Variants in GAS7 observed in about 807,000 individuals in gnomAD.
The protein encoded by GAS7 is growth arrest specific 7.
A neutral mutation model predicts 71.1 loss-of-function variants in GAS7; 28 were observed. The observed-to-expected ratio is 0.39, with a 90% CI of 0.29 to 0.54. The LOEUF (loss-of-function observed/expected upper bound fraction) is 0.54. GAS7 is among the 20% of genes least tolerant of loss of function. The pLI, the probability that GAS7 is intolerant of heterozygous loss-of-function variation, is 0.62. For missense variants in GAS7, 436 were observed against 627.8 expected (o/e 0.69, Z 3.27); for synonymous variants, 258 against 245.8 (o/e 1.05, Z -0.46).
In GAS7 at chr17:9,926,311, G is replaced by A. The variant is rs1164022039; in HGVS notation, c.1014+330C>T. Among the ~76,000 whole-genome samples the A allele has an allele frequency of 6.6e-6, 1 of 152,130 alleles. No homozygotes were observed. Among genetic ancestry groups the A allele is most frequent in the South Asian group, 2.1e-4 (1 of 4,828 alleles). On this transcript the variant is annotated intron_variant, in intron 10 of 13. Coordinates refer to ENST00000432992, the MANE Select transcript of GAS7 (RefSeq NM_201433.2). This position sits in a 1 kb window ranked among gnomAD's most constrained non-coding sequence, Gnocchi z 5.0. ...ACTCAGCCAGGTGAGGCTTAAACACGGGGCCCCACGTGAACCAGCAGCAGC... is the reference window on the plus strand; with the variant it reads ...ACTCAGCCAGGTGAGGCTTAAACACAGGGCCCCACGTGAACCAGCAGCAGC...
Position 9,969,668 on chromosome 17 carries a change from AC to A in GAS7, c.471+8del, listed in dbSNP as rs754259749. On this transcript the variant is annotated splice_region_variant and intron_variant, in intron 4 of 13. Coordinates refer to ENST00000432992, the MANE Select transcript of GAS7 (RefSeq NM_201433.2). This position sits in a 1 kb window ranked among gnomAD's most constrained non-coding sequence, Gnocchi z 5.5. ...TGACCGCTATACCTCCCTCAACAGGACCCCTTACCTGGGAATCACCGGTGGA... is the reference window on the plus strand; with the variant it reads ...TGACCGCTATACCTCCCTCAACAGGACCCTTACCTGGGAATCACCGGTGGA... The A allele has an allele frequency of 7.1e-6, 11 of 1,556,748 alleles. No homozygotes were observed. The African/African-American group carries it at 1.4e-4, about 19-fold the overall frequency.
rs773775506 is a variant in GAS7 at position 9,926,611 on chromosome 17, T to A, written c.1014+30A>T. The A allele has an allele frequency of 1.2e-6, 2 of 1,610,274 alleles. No homozygotes were observed. Among genetic ancestry groups the A allele is most frequent in the East Asian group, 2.2e-5 (1 of 44,872 alleles). ...TCTTCCAGGCAGTCCCCCATGCACC[T>A]GCCCTGGCCCAGCGTCCTGGGCCTC... On this transcript the variant is annotated intron_variant, in intron 10 of 13. Coordinates refer to ENST00000432992, the MANE Select transcript of GAS7 (RefSeq NM_201433.2). The surrounding 1 kb of genome is among the most constrained non-coding windows in gnomAD (Gnocchi z 5.0).
At chr17:9,930,548 T>A (rs1005122239) in intron 9 of GAS7, among the ~76,000 whole-genome samples, 1 of 152,200 alleles carries the variant, frequency 6.6e-6, no homozygotes, top group Non-Finnish European at 1.5e-5. Context: ...AGGAGCCAGG[T>A]ATAACTTTCT....
At chr17:9,922,196 A>AGAT (rs35613552) in intron 11 of GAS7, among the ~76,000 whole-genome samples, 2,458 of 100,374 alleles carry the variant, frequency 0.024, 51 homozygotes, top group African/African-American at 0.061. Flanking sequence ...GTGGTGATGA[A>AGAT]GATGATGATG....
intron 1 of GAS7, among the ~76,000 whole-genome samples, chr17:10,035,024 CT>C (rs1475552515): frequency 2.6e-5 from 4 of 152,076 alleles, no homozygotes; most frequent in African/African-American, 9.7e-5. Flanking sequence ...CATTACACCC[CT>C]AACACACAGC....
intron 4 of GAS7, among the ~76,000 whole-genome samples, chr17:9,963,739 T>C (rs886099686): frequency 6.6e-6 from 1 of 152,154 alleles, no homozygotes; most frequent in Non-Finnish European, 1.5e-5. Context: ...CTCTCTCTTT[T>C]TTCTTTCTTA....
At chr17:9,998,892 C>G (rs1300403088) in intron 2 of GAS7, among the ~76,000 whole-genome samples, 2 of 152,114 alleles carry the variant, frequency 1.3e-5, no homozygotes, top group Non-Finnish European at 2.9e-5. Flanking sequence ...ACAAGACACT[C>G]CCTGCCCAAG....
intron 1 of GAS7, among the ~76,000 whole-genome samples, chr17:10,150,319 C>T (rs987763405): frequency 4.6e-5 from 7 of 151,980 alleles, no homozygotes; most frequent in African/African-American, 1.7e-4. Context: ...CTTCAACTTT[C>T]CGTTTTCCTT....
intron 11 of GAS7, among the ~76,000 whole-genome samples, chr17:9,922,659 TA>T (rs1483644387): frequency 6.6e-6 from 1 of 151,992 alleles, no homozygotes; most frequent in Non-Finnish European, 1.5e-5. Context: ...GACAATGCAA[TA>T]AAACTATGTA....
intron 5 of GAS7, among the ~76,000 whole-genome samples, chr17:9,957,668 A>C (rs2069301131): frequency 6.8e-6 from 1 of 147,032 alleles, no homozygotes; most frequent in Admixed American, 6.9e-5. Context: ...ATTTTGTGAC[A>C]ATTTGAAGAT....
intron 1 of GAS7, among the ~76,000 whole-genome samples, chr17:10,143,781 G>A (rs1009269754): frequency 4.6e-5 from 7 of 152,186 alleles, no homozygotes; most frequent in African/African-American, 1.7e-4. Flanking sequence ...CTCTAGAATT[G>A]CAAGAAAACA....
chr17:10,038,723 G>A (rs1239177727), intron 1 of GAS7, among the ~76,000 whole-genome samples: 1 of 131,866 alleles, frequency 7.6e-6, no homozygotes, highest in Non-Finnish European at 1.6e-5. Context: ...TTTTTGAGAC[G>A]AAGTCTTGCT....
rs1187748042 is a variant in GAS7 at position 9,981,192 on chromosome 17, T to C, written c.385+612A>G. ...CTGCAATCGCAGCTACTCGGGAGGC[T>C]GGGGAACAAGAATCCATTGAACCCA... is the stretch of plus-strand genomic sequence containing the variant. On this transcript the variant is annotated intron_variant, in intron 3 of 13. Coordinates refer to ENST00000432992, the MANE Select transcript of GAS7 (RefSeq NM_201433.2). This position sits in a 1 kb window ranked among gnomAD's most constrained non-coding sequence, Gnocchi z 4.4. Among the ~76,000 whole-genome samples, 1 of 149,686 alleles carries C rather than the reference T, an allele frequency of 6.7e-6. No homozygotes were observed. The highest frequency in any genetic ancestry group is 1.5e-5 in the Non-Finnish European group (1 of 66,902).
At chr17:9,991,000 A>T (rs904368911) in intron 2 of GAS7, among the ~76,000 whole-genome samples, 3 of 152,210 alleles carry the variant, frequency 2.0e-5, no homozygotes, top group African/African-American at 7.2e-5. Context: ...ATAGCAGTAT[A>T]GGGGTCCCAG....
chr17:9,957,704 C>T (rs1469472261), intron 5 of GAS7, among the ~76,000 whole-genome samples: 1 of 151,830 alleles, frequency 6.6e-6, no homozygotes, highest in Non-Finnish European at 1.5e-5. Context: ...TGGAACTCTG[C>T]ACCTGAGCCT....
intron 1 of GAS7, among the ~76,000 whole-genome samples, chr17:10,170,978 A>G (rs1398564229): frequency 6.6e-6 from 1 of 152,168 alleles, no homozygotes; most frequent in Non-Finnish European, 1.5e-5. Flanking sequence ...CACTGGGATC[A>G]ATTGTCTTCT....
rs1326167671 is a variant in GAS7, at chr17:10,026,098, C to T, written c.184-6201G>A. 18 of 924,694 alleles carry T rather than the reference C, an allele frequency of 1.9e-5. No individual in the cohort carries two copies. The highest frequency in any genetic ancestry group is 2.3e-5 in the Non-Finnish European group (18 of 774,236). 57.3% of individuals were successfully genotyped at this position (924,694 alleles called of 1,614,324 possible). A position where few individuals can be genotyped will look rare whatever the true frequency, so the allele number is the denominator to read the frequency against. On this transcript the variant is annotated intron_variant, in intron 1 of 13. Coordinates refer to ENST00000432992, the MANE Select transcript of GAS7 (RefSeq NM_201433.2). This position sits in a 1 kb window ranked among gnomAD's most constrained non-coding sequence, Gnocchi z 4.5. ...AAGTTCAACCCGGATGCCACCTCCACCTCCGGGACTCTCTCCCCCTCCGGA... is the reference window on the plus strand; with the variant it reads ...AAGTTCAACCCGGATGCCACCTCCATCTCCGGGACTCTCTCCCCCTCCGGA...
At chr17:9,928,127 T>A (rs894596654) in intron 9 of GAS7, among the ~76,000 whole-genome samples, 3 of 151,752 alleles carry the variant, frequency 2.0e-5, no homozygotes, top group Middle Eastern at 3.4e-3. Flanking sequence ...TTATTTATTT[T>A]TTTGAGACAG....
At chr17:9,936,778 G>A (rs2068417994) in intron 8 of GAS7, among the ~76,000 whole-genome samples, 1 of 152,214 alleles carries the variant, frequency 6.6e-6, no homozygotes, top group Non-Finnish European at 1.5e-5. Flanking sequence ...AAATCAAAAT[G>A]CATGTTGTTT....
Sources: gnomAD v4.1 joint callset for allele counts (sites outside exome capture counted in the v4.1 genomes callset) on GRCh38, gnomAD v4.1.1 for gene constraint, Gnocchi (gnomAD v3.1) non-coding constraint, MANE v1.5 for transcripts, NCBI Gene and HGNC (gene_info 2026-07-23, HGNC 2026-07-21) for gene names.